RFT1: variants seen among roughly 807,000 people sequenced by gnomAD.
RFT1 encodes the protein man(5)GlcNAc(2)-PP-dolichol translocation protein RFT1.
Under a neutral mutation model 62.2 loss-of-function variants are expected in RFT1, and 43 were observed. That is an observed-to-expected ratio of 0.69 (90% CI 0.54 to 0.89). The LOEUF (loss-of-function observed/expected upper bound fraction) is 0.89. Ranked by LOEUF, RFT1 falls within the 40% of genes least tolerant of loss-of-function variation. The probability of loss-of-function intolerance (pLI) is 0.00; values close to 1 mark genes in which losing one functional copy is unlikely to be tolerated. For missense variants in RFT1, 605 were observed against 649.9 expected, an observed-to-expected ratio of 0.93 and a Z score of 0.75; for synonymous variants, 262 against 264.6, an observed-to-expected ratio of 0.99 and a Z score of 0.10.
At chr3:53,084,879 C>G (rs970133315), downstream of RFT1, among the ~76,000 whole-genome samples, 3 of 152,224 alleles carry the variant, frequency 2.0e-5, no homozygotes, top group African/African-American at 7.2e-5. Flanking sequence ...CACGGGTCCC[C>G]ATGCAGCTCC....
rs1157165255 is a variant in RFT1 at position 53,111,843 on chromosome 3, C to T, written c.762G>A (p.Gln254=). Residue 254 remains glutamine (Q), a synonymous_variant, in exon 7 of 13, where the codon CAG becomes CAA. Coordinates refer to ENST00000296292, the MANE Select transcript of RFT1 (RefSeq NM_052859.4). Reference sequence around the variant, plus strand: ...CCGTCTACTTACCTTCTGTCAAAATCTGTTTCAAGAAAGACTGTTTGAAAA... The same window carrying T: ...CCGTCTACTTACCTTCTGTCAAAATTTGTTTCAAGAAAGACTGTTTGAAAA... ...WSFFKQSFLK[Q]ILTEGERYVM... 1.2e-6 allele frequency: 2 copies of T among 1,613,860 alleles called. No individual in the cohort carries two copies. The highest frequency in any genetic ancestry group is 1.7e-5 in the Admixed American group (1 of 60,018).
chr3:53,122,645 A>G (rs1186333100), intron 3 of RFT1, 82 bp from the exon 4 acceptor site: 27 of 883,412 alleles, frequency 3.1e-5, no homozygotes, highest in Non-Finnish European at 3.9e-5. Context: ...GAACAGAAAA[A>G]AATAGTTATA....
intron 11 of RFT1, among the ~76,000 whole-genome samples, chr3:53,098,801 C>CA (rs35371104): frequency 0.15 from 8,847 of 57,630 alleles, 2,057 homozygotes; most frequent in African/African-American, 0.24. Flanking sequence ...GACTCCATCT[C>CA]AAAAAAAAAA....
intron 1 of RFT1, among the ~76,000 whole-genome samples, chr3:53,129,337 C>T (rs544996946): frequency 3.6e-4 from 55 of 152,208 alleles, no homozygotes; most frequent in Non-Finnish European, 7.2e-4. Context: ...TCCTAATGAC[C>T]CTGTGAGGTT....
chr3:53,096,849 A>C (rs1701156367), intron 11 of RFT1, among the ~76,000 whole-genome samples: 1 of 152,020 alleles, frequency 6.6e-6, no homozygotes, highest in Admixed American at 6.6e-5. Flanking sequence ...GGTTCAAGTG[A>C]TTCTTGTGCT....
chr3:53,127,410 C>T (rs1702136774), intron 1 of RFT1, among the ~76,000 whole-genome samples: 1 of 149,884 alleles, frequency 6.7e-6, no homozygotes, highest in African/African-American at 2.5e-5. Flanking sequence ...TGCCTGTAAT[C>T]CCAATACTTA....
the RFT1 span, chr3:53,078,348 A>T: frequency 6.6e-6 from 1 of 152,224 alleles, no homozygotes; most frequent in East Asian, 1.9e-4. Context: ...TCTGCAGGGC[A>T]CTGGTTGCCC....
the RFT1 span, among the ~76,000 whole-genome samples, chr3:53,066,992 G>A: frequency 6.6e-5 from 10 of 152,324 alleles, no homozygotes; most frequent in African/African-American, 2.4e-4. Flanking sequence ...CGATAAAAAA[G>A]AAAGAACAAC....
rs1207311340 is a variant in RFT1, at chr3:53,090,466, T to A, written c.*1437A>T. ...TTGCTCAGGACACCTTGCATTTAGC[T>A]GCTTTTCTCCCACTTAGTGCAAAGC... On this transcript the variant is annotated 3_prime_UTR_variant, in exon 13 of 13. Transcript: ENST00000296292. The A allele has an allele frequency of 6.6e-6, 1 of 152,344 alleles. No homozygotes were observed. Among genetic ancestry groups the A allele is most frequent in the African/African-American group, 2.4e-5 (1 of 41,464 alleles). 9.4% of individuals were successfully genotyped at this position (152,344 alleles called of 1,614,324 possible).
At position 53,103,832 on chromosome 3, in the gene RFT1, C is replaced by T. The variant is rs1701384519; in HGVS notation, c.1102+121G>A. On this transcript the variant is annotated intron_variant, in intron 10 of 12. Transcript: ENST00000296292. ...GGGAACAGTCCCACAGCCCCTGCCA[C>T]CAGACAGTTTTCCCTACACTGACAC... 4.8e-6 allele frequency: 6 copies of T among 1,257,356 alleles called. No homozygotes were observed. The Admixed American group carries it at 1.1e-4, about 23-fold the overall frequency. The allele number at this position is 1,257,356 out of a possible 1,614,324, so 77.9% of individuals were successfully genotyped here.
At chr3:53,116,580 C>T (rs1447880487) in intron 6 of RFT1, among the ~76,000 whole-genome samples, 1 of 151,942 alleles carries the variant, frequency 6.6e-6, no homozygotes, top group Non-Finnish European at 1.5e-5. Flanking sequence ...AGGCTTGAGC[C>T]ACCACACCCA....
intron 5 of RFT1, 75 bp from the exon 6 acceptor site, chr3:53,120,096 C>A: frequency 7.7e-7 from 1 of 1,296,014 alleles, no homozygotes; most frequent in South Asian, 1.4e-5. Context: ...AAAGGCCAGT[C>A]AAGTAATAGA....
intron 6 of RFT1, among the ~76,000 whole-genome samples, chr3:53,117,665 C>G (rs1187524410): frequency 2.6e-5 from 4 of 152,148 alleles, no homozygotes; most frequent in Non-Finnish European, 5.9e-5. Flanking sequence ...AGCTGCCTAG[C>G]TAGGGTGCCC....
chr3:53,083,432 C>G, the RFT1 span, among the ~76,000 whole-genome samples: 1 of 146,794 alleles, frequency 6.8e-6, no homozygotes, highest in Non-Finnish European at 1.5e-5. Flanking sequence ...GAGATTAAGG[C>G]TGCAGGGAGC....
the RFT1 span, among the ~76,000 whole-genome samples, chr3:53,074,732 G>A: frequency 6.6e-6 from 1 of 152,290 alleles, no homozygotes; most frequent in South Asian, 2.1e-4. Flanking sequence ...CTCTGGGTGA[G>A]GCTTTGTGTC....
Position 53,099,407 on chromosome 3 carries a change from A to G in RFT1, c.1182T>C (p.Ala394=). 2 of 1,614,150 alleles carry G rather than the reference A, an allele frequency of 1.2e-6. No homozygotes were observed. Among genetic ancestry groups the G allele is most frequent in the South Asian group, 2.2e-5 (2 of 91,080 alleles). The change falls in exon 11 of 13, where the codon GCT becomes GCC. Residue 394 remains alanine, a synonymous_variant. Coordinates refer to ENST00000296292, the MANE Select transcript of RFT1 (RefSeq NM_052859.4). ...TGTCGACCTCCTCTTTGCTCATGGC[A>G]GCAAATGTGAAACACTCTGTCACTC... ...INGVTECFTF[A]AMSKEEVDRY...
chr3:53,092,403 A>C lies in RFT1; in HGVS notation c.1424T>G (p.Phe475Cys). Residue 475 changes from phenylalanine to cysteine, a missense_variant, in exon 12 of 13, where the codon TTT becomes TGT. Physicochemically the swap from Phe to Cys is radical, Grantham distance 205. Transcript: ENST00000296292. ...LHLSPVLLGT[F>C]ALSGGVTAVS... ...AGCAGTAACCCCACCACTGAGGGCA[A>C]ATGTCCCGAGCAGGACTGGCGATAG... 3.1e-6 allele frequency: 5 copies of C among 1,606,246 alleles called. No individual in the cohort carries two copies. Among genetic ancestry groups the C allele is most frequent in the Non-Finnish European group, 4.2e-6 (5 of 1,176,856 alleles).
chr3:53,105,425 C>CGG (rs199889752), intron 9 of RFT1, among the ~76,000 whole-genome samples: 26 of 143,262 alleles, frequency 1.8e-4, no homozygotes, highest in South Asian at 8.9e-4. Context: ...GCCCCCCCCC[C>CGG]CAAAAAGAGT....
At chr3:53,079,473 T>C in the RFT1 span, among the ~76,000 whole-genome samples, 2 of 152,108 alleles carry the variant, frequency 1.3e-5, no homozygotes, top group Non-Finnish European at 2.9e-5. Context: ...GTGGCTCACA[T>C]GTGTAATCCC....
Sources: gnomAD v4.1 joint callset for allele counts (sites outside exome capture counted in the v4.1 genomes callset) on GRCh38, gnomAD v4.1.1 for gene constraint, MANE v1.5 for transcripts, NCBI Gene and HGNC (gene_info 2026-07-23, HGNC 2026-07-21) for gene names.